EGFL6: variants seen among roughly 807,000 people sequenced by gnomAD.
EGFL6 encodes the protein EGF like domain multiple 6, also known as epidermal growth factor-like protein 6.
Under a neutral mutation model 43.1 loss-of-function variants are expected in EGFL6, and 42 were observed. That is an observed-to-expected ratio of 0.98 (90% confidence interval 0.76 to 1.26). The LOEUF is 1.26. Among genes scored for constraint, EGFL6 ranks in the 50% most tolerant of loss-of-function variants. EGFL6 has a pLI of 0.00. For missense variants in EGFL6, 429 were observed against 427.8 expected (o/e 1.00, Z -0.02); for synonymous variants, 164 against 163.2 (o/e 1.01, Z -0.04).
chrX:13,609,589 T>C (rs2045678711), intron 7 of EGFL6, among the ~76,000 whole-genome samples: 1 of 110,125 alleles, frequency 9.1e-6, no homozygotes, highest in Non-Finnish European at 1.9e-5. Flanking sequence ...CTGTCCCTAC[T>C]AAAAATACAA....
chrX:13,610,871 T>C (rs1322416328), intron 7 of EGFL6, among the ~76,000 whole-genome samples: 1 of 111,261 alleles, frequency 9.0e-6, no homozygotes, highest in Non-Finnish European at 1.9e-5. Context: ...CCACAGTCCC[T>C]TGGAGCTCCC....
intron 1 of EGFL6, among the ~76,000 whole-genome samples, chrX:13,576,965 T>A (rs767272871): frequency 9.0e-6 from 1 of 111,304 alleles, no homozygotes; most frequent in East Asian, 2.8e-4. Flanking sequence ...CTGACCTGTT[T>A]TCAATGTGAA....
intron 1 of EGFL6, among the ~76,000 whole-genome samples, chrX:13,577,480 A>G (rs781753707): frequency 9.3e-6 from 1 of 106,977 alleles, no homozygotes; most frequent in South Asian, 3.9e-4. Flanking sequence ...ATATAAAAAC[A>G]TATAAAACAT....
At chrX:13,626,810 T>C (rs767385962) in intron 10 of EGFL6, among the ~76,000 whole-genome samples, 1 of 112,868 alleles carries the variant, frequency 8.9e-6, no homozygotes, top group South Asian at 3.6e-4. Context: ...CATCAATTTG[T>C]CTATATAACA....
intron 1 of EGFL6, among the ~76,000 whole-genome samples, chrX:13,585,010 G>A (rs1282682223): frequency 3.6e-5 from 4 of 111,702 alleles, no homozygotes; most frequent in Non-Finnish European, 5.6e-5. Flanking sequence ...GACTGCTTTC[G>A]TGGTACTGTT....
At position 13,592,187 on chromosome X, in the gene EGFL6, C is replaced by G. The variant is rs1266427522; in HGVS notation, c.187+2519C>G. On this transcript the variant is annotated intron_variant, in intron 2 of 11. Coordinates refer to ENST00000361306, the MANE Select transcript of EGFL6 (RefSeq NM_015507.4). ...CTGGACCACATTGGAAATCAGTTTC[C>G]AGGGAACAACTAGAGGTCTTCAGGG... Among the ~76,000 whole-genome samples, 20 of 105,084 alleles carry G rather than the reference C, an allele frequency of 1.9e-4. No individual in the cohort carries two copies. The Admixed American group carries it at 2.1e-3, about 11-fold the overall frequency. 91.3% of individuals were successfully genotyped at this position (105,084 alleles called of 115,157 possible). A position where few individuals can be genotyped will look rare whatever the true frequency, so the allele number is the denominator to read the frequency against.
At chrX:13,630,902 T>C (rs186181804) in intron 11 of EGFL6, among the ~76,000 whole-genome samples, 4 of 112,566 alleles carry the variant, frequency 3.6e-5, no homozygotes, top group African/African-American at 9.7e-5. Context: ...TCTTAAAGGG[T>C]CTTTCTTTAA....
intron 1 of EGFL6, among the ~76,000 whole-genome samples, chrX:13,582,258 T>TAG (rs2045510701): frequency 9.1e-6 from 1 of 109,716 alleles, no homozygotes; most frequent in Non-Finnish European, 1.9e-5. Flanking sequence ...AGACGGGGTT[T>TAG]CACCATGTTA....
In EGFL6 at chrX:13,606,496, G is replaced by A. The variant is rs149970054; in HGVS notation, c.638G>A (p.Gly213Glu). Residue 213 changes from glycine to glutamate, a missense_variant, in exon 6 of 12, where the codon GGA (glycine) becomes GAA (glutamate). Physicochemically the swap from Gly to Glu is moderately conservative, Grantham distance 98 (BLOSUM62 -2). Coordinates refer to ENST00000361306, the MANE Select transcript of EGFL6 (RefSeq NM_015507.4). ...GGTTTCGAACTGCAATATATCAGTG[G>A]ACGATATGACTGTATAGGTAAGATT... Reference protein sequence around the residue: ...HIGFELQYISGRYDCIDINEC... With the variant: ...HIGFELQYISERYDCIDINEC... The A allele has an allele frequency of 6.5e-4, 787 of 1,209,596 alleles. 7 individuals are homozygous for A. In the East Asian group the frequency reaches 0.019, roughly 30 times the overall value.
chrX:13,609,017 T>C (rs2045675877), intron 7 of EGFL6, among the ~76,000 whole-genome samples: 1 of 112,729 alleles, frequency 8.9e-6, no homozygotes, highest in South Asian at 3.7e-4. Context: ...ATTTAATACT[T>C]TTTGTTAAAA....
At chrX:13,596,647 C>T (rs182886607) in intron 3 of EGFL6, 6 of 111,602 alleles carry the variant, frequency 5.4e-5, no homozygotes, top group African/African-American at 1.3e-4. Flanking sequence ...GCAATCCTCT[C>T]GCCTCAGACT....
intron 7 of EGFL6, among the ~76,000 whole-genome samples, chrX:13,616,672 C>T (rs774561777): frequency 1.1e-3 from 122 of 111,303 alleles, no homozygotes; most frequent in Non-Finnish European, 1.9e-3. Flanking sequence ...ACTGCCAAAT[C>T]TTAGCTCCGT....
At chrX:13,589,442 G>T (rs1458105957) in intron 1 of EGFL6, 114 bp from the exon 2 acceptor site, 2 of 563,036 alleles carry the variant, frequency 3.6e-6, no homozygotes, top group South Asian at 5.4e-5. Context: ...CACTTACTGC[G>T]GGTTCGTTGA....
At chrX:13,578,359 A>T (rs1462925333) in intron 1 of EGFL6, among the ~76,000 whole-genome samples, 1 of 107,697 alleles carries the variant, frequency 9.3e-6, no homozygotes, top group Non-Finnish European at 1.9e-5. Flanking sequence ...ACCATTGTGG[A>T]AGTCAGTGTG....
chrX:13,617,736 C>G lies in EGFL6; in HGVS notation c.785C>G (p.Pro262Arg). 1 of 1,193,283 alleles carries G rather than the reference C, an allele frequency of 8.4e-7. No individual in the cohort carries two copies. ...TGCCTCTTATTTGTTTTAGCTATCCCTGAAAATTCTGTGAAGGAAGTCCTC... is the reference window on the plus strand; with the variant it reads ...TGCCTCTTATTTGTTTTAGCTATCCGTGAAAATTCTGTGAAGGAAGTCCTC... ...KGNGLRCSAI[P>R]ENSVKEVLRA... Residue 262 changes from proline (P) to arginine (R), a missense_variant, in exon 8 of 12, where the codon CCT becomes CGT. By Grantham distance (103) the Pro-to-Arg change is moderately radical. Coordinates refer to ENST00000361306, the MANE Select transcript of EGFL6 (RefSeq NM_015507.4).
At chrX:13,593,888 G>A (rs2045581050) in intron 2 of EGFL6, among the ~76,000 whole-genome samples, 1 of 111,410 alleles carries the variant, frequency 9.0e-6, no homozygotes, top group South Asian at 3.8e-4. Context: ...TTTCTTAGAG[G>A]TGGACCTACT....
rs1569210136 is a variant in EGFL6, at chrX:13,623,885, A to G, written c.1245A>G (p.Arg415=). ...GGATCTGTGACTGGAAACAGGATAG[A>G]GAAGATGATTTTGACTGGAATCCTG... is the stretch of plus-strand genomic sequence containing the variant. The part of the protein sequence containing the change: ...NHGICDWKQD[R]EDDFDWNPAD... The change falls in exon 10 of 12, where the codon AGA becomes AGG. Residue 415 remains arginine, a synonymous_variant. Coordinates refer to ENST00000361306, the MANE Select transcript of EGFL6 (RefSeq NM_015507.4). 2.9e-5 allele frequency: 35 copies of G among 1,208,985 alleles called. No individual in the cohort carries two copies. The highest frequency in any genetic ancestry group is 3.8e-5 in the Non-Finnish European group (34 of 893,122).
chrX:13,572,805 A>T (rs1479426840), intron 1 of EGFL6, among the ~76,000 whole-genome samples: 2 of 111,866 alleles, frequency 1.8e-5, no homozygotes, highest in Non-Finnish European at 3.8e-5. Flanking sequence ...GCCACTGTAA[A>T]AATTGGCCAC....
At chrX:13,591,717 C>G (rs1275694900) in intron 2 of EGFL6, among the ~76,000 whole-genome samples, 1 of 111,058 alleles carries the variant, frequency 9.0e-6, no homozygotes, top group African/African-American at 3.3e-5. Flanking sequence ...CCCAGGCCTT[C>G]CCCTCTGTCC....
Sources: allele counts gnomAD v4.1 joint callset (sites outside exome capture counted in the v4.1 genomes callset), GRCh38; gene constraint gnomAD v4.1.1; transcripts MANE v1.5; gene names NCBI Gene and HGNC (gene_info 2026-07-23, HGNC 2026-07-21).